The following DSTYK variants were observed in gnomAD, a reference collection of about 807,000 sequenced individuals.
DSTYK encodes RIP-homologous kinase.
A neutral mutation model predicts 98.7 loss-of-function variants in DSTYK; 34 were observed. The ratio of observed to expected loss-of-function variants is 0.34; its 90% CI spans 0.26 to 0.46. The LOEUF (loss-of-function observed/expected upper bound fraction) is 0.46, where lower values mean the gene tolerates loss of function less well. Among genes scored for constraint, DSTYK ranks in the 20% least tolerant of loss-of-function variants. The probability of loss-of-function intolerance (pLI) is 1.00; values close to 1 mark genes in which losing one functional copy is unlikely to be tolerated. For synonymous variants in DSTYK, 462 were observed against 457.3 expected (o/e 1.01, Z -0.13); for missense variants, 962 against 1,181.7 (o/e 0.81, Z 2.73).
At chr1:205,201,257 A>G (rs2102475521) in intron 1 of DSTYK, among the ~76,000 whole-genome samples, 1 of 152,282 alleles carries the variant, frequency 6.6e-6, no homozygotes, top group Middle Eastern at 3.4e-3. Context: ...TTTGTAACTT[A>G]AAGGATAAAT....
rs758360038 is a variant in DSTYK, at chr1:205,181,653, G to GGGGGGTGT, written c.654+5764_654+5765insACACCCCC. Among the ~76,000 whole-genome samples the GGGGGGTGT allele has an allele frequency of 5.9e-5, 5 of 84,052 alleles. No homozygotes were observed. The East Asian group carries it at 7.6e-4, about 13-fold the overall frequency. 55.1% of individuals were successfully genotyped at this position (84,052 alleles called of 152,430 possible). On this transcript the variant is annotated intron_variant, in intron 2 of 12. Transcript: ENST00000367162. ...CACAGATGTGAGCCACAGATGTTGGGGTTTGTGTGTGTGTGTGTGTGTGTG... is the reference window on the plus strand; with the variant it reads ...CACAGATGTGAGCCACAGATGTTGGGGGGGGTGTGTTTGTGTGTGTGTGTGTGTGTGTG...
intron 2 of DSTYK, among the ~76,000 whole-genome samples, chr1:205,180,494 T>G (rs1178814560): frequency 6.6e-6 from 1 of 152,220 alleles, no homozygotes; most frequent in Admixed American, 6.5e-5. Context: ...AGTTATTTTT[T>G]GAGACAGAGA....
intron 2 of DSTYK, among the ~76,000 whole-genome samples, chr1:205,183,325 T>A (rs188238067): frequency 1.3e-5 from 2 of 152,170 alleles, no homozygotes; most frequent in East Asian, 3.9e-4. Context: ...CTAAATGAGG[T>A]TTCAGATACT....
chr1:205,147,630 G>A lies in DSTYK; in HGVS notation c.2718C>T (p.Leu906=), dbSNP rs1657276571. 1 of 1,614,142 alleles carries A rather than the reference G, an allele frequency of 6.2e-7. No homozygotes were observed. The highest frequency in any genetic ancestry group is 8.5e-7 in the Non-Finnish European group (1 of 1,179,972). The change falls in exon 13 of 13, where the codon CTC becomes CTT. Residue 906 remains leucine (L), a synonymous_variant. Coordinates refer to ENST00000367162, the MANE Select transcript of DSTYK (RefSeq NM_015375.3). The stretch of plus-strand genomic sequence containing the variant: ...TGCAGAGCCGATTCATGATGCCCTG[G>A]AGCATGGGCTGGACAATGCCCAAGA... The part of the protein sequence containing the change: ...RPLLGIVQPM[L]QGIMNRLCKS...
intron 1 of DSTYK, chr1:205,202,053 T>A (rs1269236418): frequency 5.6e-5 from 19 of 342,088 alleles, no homozygotes; most frequent in Non-Finnish European, 9.9e-5. Context: ...GGAAAGGAAA[T>A]GTGGGAAACT....
At chr1:205,171,324 G>A (rs1018974946) in intron 2 of DSTYK, among the ~76,000 whole-genome samples, 5 of 151,842 alleles carry the variant, frequency 3.3e-5, no homozygotes, top group East Asian at 1.9e-4. Context: ...GGTGGTGGGC[G>A]CCTGTAGCCC....
At chr1:205,189,275 T>C (rs895843679) in intron 1 of DSTYK, among the ~76,000 whole-genome samples, 1 of 152,224 alleles carries the variant, frequency 6.6e-6, no homozygotes, top group Admixed American at 6.5e-5. Context: ...TGAGAATCTG[T>C]GTTTGAGAAA....
chr1:205,180,809 G>A (rs1234133736), intron 2 of DSTYK, among the ~76,000 whole-genome samples: 1 of 152,056 alleles, frequency 6.6e-6, no homozygotes, highest in East Asian at 1.9e-4. Flanking sequence ...AGTGAGCATA[G>A]GGATTAAAAA....
rs932143976 is a variant in DSTYK, at chr1:205,211,383, G to A, written c.153C>T (p.Phe51=). 1 of 1,612,482 alleles carries A rather than the reference G, an allele frequency of 6.2e-7. No individual in the cohort carries two copies. Among genetic ancestry groups the A allele is most frequent in the Non-Finnish European group, 8.5e-7 (1 of 1,179,526 alleles). ...TGTGGGAGCACTTGATGTCGCGGAA[G>A]AACTTCTGGGTCTCGCGCAGGTTCT... is the stretch of plus-strand genomic sequence containing the variant. ...LRQNLRETQK[F]FRDIKCSHNH... Residue 51 remains phenylalanine (F), a synonymous_variant, in exon 1 of 13, where the codon TTC becomes TTT. Transcript: ENST00000367162.
At position 205,161,335 on chromosome 1, in the gene DSTYK, C is replaced by G. The variant is rs1278951872; in HGVS notation, c.1871G>C (p.Arg624Thr). Residue 624 changes from arginine (R) to threonine (T), a missense_variant, in exon 7 of 13, where the codon AGG becomes ACG. By Grantham distance (71) the Arg-to-Thr change is moderately conservative. Coordinates refer to ENST00000367162, the MANE Select transcript of DSTYK (RefSeq NM_015375.3). ...GCGGGGAGCATGATCTTTCCGAACC[C>G]TCAGCCATAGATCTTCCGTTTTCTC... is the stretch of plus-strand genomic sequence containing the variant. ...RLEKTEDLWL[R>T]VRKDHAPRLA... The G allele has an allele frequency of 8.1e-6, 13 of 1,614,188 alleles. No homozygotes were observed. The highest frequency in any genetic ancestry group is 1.1e-5 in the Non-Finnish European group (13 of 1,180,010).
In DSTYK at chr1:205,169,130, T is replaced by G; in HGVS notation, c.1324+33A>C. ...AGAAAATGGTTAGAGACTCCTCCCG[T>G]GCCAGCACCCCAACAAGCTCTCTGG... On this transcript the variant is annotated intron_variant, in intron 3 of 12. Coordinates refer to ENST00000367162, the MANE Select transcript of DSTYK (RefSeq NM_015375.3). This position sits in a 1 kb window ranked among gnomAD's most constrained non-coding sequence, Gnocchi z 4.0. 6.5e-7 allele frequency: 1 copy of G among 1,533,010 alleles called. No homozygotes were observed. Among genetic ancestry groups the G allele is most frequent in the Non-Finnish European group, 8.8e-7 (1 of 1,136,368 alleles). 95.0% of individuals were successfully genotyped at this position (1,533,010 alleles called of 1,614,324 possible). A position where few individuals can be genotyped will look rare whatever the true frequency, so the allele number is the denominator to read the frequency against.
chr1:205,169,899 C>A lies in DSTYK; in HGVS notation c.655-67G>T. 1 of 1,465,400 alleles carries A rather than the reference C, an allele frequency of 6.8e-7. No individual in the cohort carries two copies. The highest frequency in any genetic ancestry group is 9.1e-7 in the Non-Finnish European group (1 of 1,097,020). The allele number at this position is 1,465,400 out of a possible 1,614,324, so 90.8% of individuals were successfully genotyped here. ...GAACCAATCCCTGTCTCCCCAAAGT[C>A]CCACACTGAGACCAAAATCCTGATC... On this transcript the variant is annotated intron_variant, in intron 2 of 12. Transcript: ENST00000367162. This position sits in a 1 kb window ranked among gnomAD's most constrained non-coding sequence, Gnocchi z 4.0.
At chr1:205,162,337 C>T (rs923500690) in intron 5 of DSTYK, 125 bp from the exon 6 acceptor site, 23 of 1,165,280 alleles carry the variant, frequency 2.0e-5, no homozygotes, top group Admixed American at 8.5e-5. Flanking sequence ...GGGAGCCATA[C>T]GAAGTCCAAA....
chr1:205,175,251 C>T (rs1658195240), intron 2 of DSTYK, among the ~76,000 whole-genome samples: 1 of 151,992 alleles, frequency 6.6e-6, no homozygotes, highest in African/African-American at 2.4e-5. Context: ...CAGGCGCACG[C>T]CCGGCAATTT....
chr1:205,161,855 G>C (rs1657730069), intron 6 of DSTYK, among the ~76,000 whole-genome samples, 181 bp downstream of exon 6: 1 of 151,984 alleles, frequency 6.6e-6, no homozygotes, highest in Non-Finnish European at 1.5e-5. Context: ...AATCTAGAAA[G>C]AAAATATACT....
At chr1:205,204,455 TACACACAC>T (rs56294352) in intron 1 of DSTYK, among the ~76,000 whole-genome samples, 1 of 148,680 alleles carries the variant, frequency 6.7e-6, no homozygotes, top group Admixed American at 6.7e-5. Context: ...ATGCTCACCA[TACACACAC>T]ACACACACAC....
At chr1:205,157,972 A>G (rs1657611454) in intron 9 of DSTYK, among the ~76,000 whole-genome samples, 1 of 152,114 alleles carries the variant, frequency 6.6e-6, no homozygotes, top group Non-Finnish European at 1.5e-5. Context: ...AAAATTCTGG[A>G]ACTGCCCTTG....
In DSTYK at chr1:205,165,513, C is replaced by A. The variant is rs113698521; in HGVS notation, c.1325-1558G>T. Among the ~76,000 whole-genome samples the A allele has an allele frequency of 8.6e-3, 1,310 of 152,250 alleles. 23 individuals carry two copies. Among genetic ancestry groups the A allele is most frequent in the African/African-American group, 0.03 (1,254 of 41,536 alleles). ...TGTTGTAAATCAGAGGACAGAAGAACTTGAGAGAAGTCAAACTACTTGCAA... is the reference window on the plus strand; with the variant it reads ...TGTTGTAAATCAGAGGACAGAAGAAATTGAGAGAAGTCAAACTACTTGCAA... On this transcript the variant is annotated intron_variant, in intron 3 of 12. Coordinates refer to ENST00000367162, the MANE Select transcript of DSTYK (RefSeq NM_015375.3).
intron 2 of DSTYK, among the ~76,000 whole-genome samples, chr1:205,174,344 C>T (rs1658161699): frequency 6.6e-6 from 1 of 151,970 alleles, no homozygotes; most frequent in Non-Finnish European, 1.5e-5. Flanking sequence ...GAAACCCTGT[C>T]TCTACTAAAA....
Sources: allele counts gnomAD v4.1 joint callset (sites outside exome capture counted in the v4.1 genomes callset), GRCh38; gene constraint gnomAD v4.1.1; non-coding constraint Gnocchi (gnomAD v3.1); transcripts MANE v1.5; gene names NCBI Gene and HGNC (gene_info 2026-07-23, HGNC 2026-07-21).